Variants in ARHGAP39 observed in about 807,000 individuals in gnomAD.
ARHGAP39 encodes rho GTPase-activating protein 39.
ARHGAP39 carries 44 observed loss-of-function variants against 106.9 expected under a neutral mutation model. The ratio of observed to expected loss-of-function variants is 0.41; its 90% confidence interval spans 0.32 to 0.53. ARHGAP39 has a LOEUF of 0.53. Among genes scored for constraint, ARHGAP39 ranks in the 20% least tolerant of loss-of-function variants. ARHGAP39 has a pLI of 0.21. For missense variants in ARHGAP39, 1,496 were observed against 1,577.3 expected (o/e 0.95, Z 0.87); for synonymous variants, 768 against 693.2 (o/e 1.11, Z -1.69).
In ARHGAP39 at chr8:144,603,120, CGT is replaced by C. The variant is rs772034322; in HGVS notation, c.80+2413_80+2414del. On this transcript the variant is annotated intron_variant, in intron 2 of 11. Transcript: ENST00000377307. The stretch of plus-strand genomic sequence containing the variant: ...GCTCATGTATCTGTGTGCGTGGAGG[CGT>C]GTGTGTGCTGGTGTACCTGTGTGCA... Among the ~76,000 whole-genome samples, 25 of 98,536 alleles carry C rather than the reference CGT, an allele frequency of 2.5e-4. 1 individual carries two copies. The highest frequency in any genetic ancestry group is 1.1e-3 in the South Asian group (3 of 2,776). 64.6% of individuals were successfully genotyped at this position (98,536 alleles called of 152,430 possible). A position where few individuals can be genotyped will look rare whatever the true frequency, so the allele number is the denominator to read the frequency against.
At position 144,649,286 on chromosome 8, in the gene ARHGAP39, C is replaced by CA. The variant is rs950017810; in HGVS notation, c.-82+36399dup. ...TGAAACCCCATCTCTACTAAAAATA[C>CA]AAAAAAAAAACCAATTAGCCAGGTG... is the stretch of plus-strand genomic sequence containing the variant. On this transcript the variant is annotated intron_variant, in intron 1 of 11. Coordinates refer to ENST00000377307, the MANE Select transcript of ARHGAP39 (RefSeq NM_025251.3). 2.9e-3 allele frequency among the ~76,000 whole-genome samples: 422 copies of CA among 146,366 alleles called. 6 individuals are homozygous for CA. The East Asian group carries it at 0.047, about 16-fold the overall frequency.
chr8:144,655,979 C>T (rs912189021), intron 1 of ARHGAP39, among the ~76,000 whole-genome samples: 6 of 152,106 alleles, frequency 3.9e-5, no homozygotes, highest in Non-Finnish European at 7.4e-5. Context: ...TCAAACAAAA[C>T]GATCAATCTA....
rs1301766054 is a variant in ARHGAP39 at position 144,530,149 on chromosome 8, A to C, written c.*273T>G. Reference sequence around the variant, plus strand: ...CAGGACACAGAAGGCACTTTCTCGGAGCTGACCCGCGGCCAGCGGAGGGCG... The same window carrying C: ...CAGGACACAGAAGGCACTTTCTCGGCGCTGACCCGCGGCCAGCGGAGGGCG... On this transcript the variant is annotated 3_prime_UTR_variant, in exon 12 of 12. Coordinates refer to ENST00000377307, the MANE Select transcript of ARHGAP39 (RefSeq NM_025251.3). 3 of 498,922 alleles carry C rather than the reference A, an allele frequency of 6.0e-6. No homozygotes were observed. The highest frequency in any genetic ancestry group is 1.1e-5 in the Non-Finnish European group (3 of 280,910). 30.9% of individuals were successfully genotyped at this position (498,922 alleles called of 1,614,324 possible).
chr8:144,629,660 C>A (rs2130976948), intron 1 of ARHGAP39, among the ~76,000 whole-genome samples: 1 of 152,322 alleles, frequency 6.6e-6, no homozygotes, highest in South Asian at 2.1e-4. Flanking sequence ...GTGTGGTACA[C>A]CGGGTGATGG....
At chr8:144,603,722 AAGCAAAT>A (rs1820172811) in intron 2 of ARHGAP39, among the ~76,000 whole-genome samples, 2 of 152,064 alleles carry the variant, frequency 1.3e-5, no homozygotes, top group South Asian at 4.1e-4. Flanking sequence ...AAAAAGCAAA[AAGCAAAT>A]ACACTGCAGT....
intron 2 of ARHGAP39, among the ~76,000 whole-genome samples, chr8:144,599,079 T>C (rs566982608): frequency 1.9e-4 from 29 of 152,320 alleles, no homozygotes; most frequent in African/African-American, 6.5e-4. Flanking sequence ...CAGGCAGCTG[T>C]TGACGGCCCC....
chr8:144,594,694 CA>C (rs56889764), intron 2 of ARHGAP39, among the ~76,000 whole-genome samples: 9,617 of 80,208 alleles, frequency 0.12, 398 homozygotes, highest in African/African-American at 0.2. Flanking sequence ...AACGCCACCT[CA>C]AAAAAAAAAA....
intron 9 of ARHGAP39, 134 bp from the exon 10 acceptor site, chr8:144,532,530 G>A (rs1013076169): frequency 5.5e-6 from 4 of 733,544 alleles, no homozygotes; most frequent in Admixed American, 2.5e-5. Flanking sequence ...CCGCCACCCC[G>A]GTTGGCCTCT....
At chr8:144,642,407 A>G (rs942370836) in intron 1 of ARHGAP39, among the ~76,000 whole-genome samples, 1 of 152,066 alleles carries the variant, frequency 6.6e-6, no homozygotes, top group African/African-American at 2.4e-5. Context: ...GAATTGCTTG[A>G]GCCTGGGAGG....
Position 144,641,871 on chromosome 8 carries a change from C to T in ARHGAP39, c.-81-36176G>A, listed in dbSNP as rs891581389. Among the ~76,000 whole-genome samples, 4 of 152,246 alleles carry T rather than the reference C, an allele frequency of 2.6e-5. No individual in the cohort carries two copies. The highest frequency in any genetic ancestry group is 4.4e-5 in the Non-Finnish European group (3 of 68,040). The stretch of plus-strand genomic sequence containing the variant: ...GAGGAGGGGTACCTGCCACAAGCTC[C>T]GGGTGGGCCACTGCAGCCACCCACT... On this transcript the variant is annotated intron_variant, in intron 1 of 11. Coordinates refer to ENST00000377307, the MANE Select transcript of ARHGAP39 (RefSeq NM_025251.3). The surrounding 1 kb of genome is among the most constrained non-coding windows in gnomAD (Gnocchi z 5.2).
At chr8:144,578,291 C>T (rs1018639210) in intron 3 of ARHGAP39, among the ~76,000 whole-genome samples, 1 of 152,028 alleles carries the variant, frequency 6.6e-6, no homozygotes, top group Non-Finnish European at 1.5e-5. Flanking sequence ...TACAGTGGTG[C>T]GATCTCGGCT....
At chr8:144,624,246 G>C (rs1209637586) in intron 1 of ARHGAP39, among the ~76,000 whole-genome samples, 1 of 152,224 alleles carries the variant, frequency 6.6e-6, no homozygotes, top group East Asian at 1.9e-4. Flanking sequence ...AGCGCCCTTT[G>C]CACTAAGTGT....
In ARHGAP39 at chr8:144,678,865, G is replaced by A. The variant is rs561446991; in HGVS notation, c.-82+6821C>T. On this transcript the variant is annotated intron_variant, in intron 1 of 11. Transcript: ENST00000377307. ...TCTGAGCAGCTATGTGGCAGAGACAGGGGAGTGGCTCAAGGCTGGGGCAGG... is the reference window on the plus strand; with the variant it reads ...TCTGAGCAGCTATGTGGCAGAGACAAGGGAGTGGCTCAAGGCTGGGGCAGG... Among the ~76,000 whole-genome samples the A allele has an allele frequency of 3.3e-5, 5 of 152,298 alleles. No homozygotes were observed. In the South Asian group the frequency reaches 1.0e-3, roughly 32 times the overall value.
chr8:144,684,254 T>G lies in ARHGAP39; in HGVS notation c.-82+1432A>C, dbSNP rs1390387162. Among the ~76,000 whole-genome samples the G allele has an allele frequency of 1.3e-5, 2 of 152,304 alleles. No individual in the cohort carries two copies. Among genetic ancestry groups the G allele is most frequent in the Middle Eastern group, 3.4e-3 (1 of 292 alleles). Reference sequence around the variant, plus strand: ...CCTGCGCCCAGGGCGGTTTATGGAATGAGTCTCCTCGATTTACAGCCACAC... The same window carrying G: ...CCTGCGCCCAGGGCGGTTTATGGAAGGAGTCTCCTCGATTTACAGCCACAC... On this transcript the variant is annotated intron_variant, in intron 1 of 11. Coordinates refer to ENST00000377307, the MANE Select transcript of ARHGAP39 (RefSeq NM_025251.3). The surrounding 1 kb of genome is among the most constrained non-coding windows in gnomAD (Gnocchi z 4.4).
At chr8:144,698,438 A>G in the ARHGAP39 span, among the ~76,000 whole-genome samples, 1 of 152,232 alleles carries the variant, frequency 6.6e-6, no homozygotes, top group Non-Finnish European at 1.5e-5. Context: ...GCTTACAGAC[A>G]GAAGGCTTCG....
chr8:144,667,792 C>A (rs116642229), intron 1 of ARHGAP39, among the ~76,000 whole-genome samples: 3 of 152,176 alleles, frequency 2.0e-5, no homozygotes, highest in Non-Finnish European at 4.4e-5. Flanking sequence ...GCACCCACTG[C>A]ATGCATTGTT....
intron 3 of ARHGAP39, among the ~76,000 whole-genome samples, chr8:144,556,209 C>T (rs886112926): frequency 3.5e-4 from 53 of 151,072 alleles, no homozygotes; most frequent in Middle Eastern, 3.4e-3. Context: ...GGCGTGAACC[C>T]GGGAGGCGGA....
chr8:144,613,376 T>C (rs1462025067), intron 1 of ARHGAP39, among the ~76,000 whole-genome samples: 1 of 152,234 alleles, frequency 6.6e-6, no homozygotes. Flanking sequence ...ATCTGTAACA[T>C]TTCTTTCAGT....
intron 1 of ARHGAP39, among the ~76,000 whole-genome samples, chr8:144,667,274 C>T (rs934678268): frequency 9.2e-5 from 14 of 152,188 alleles, no homozygotes; most frequent in African/African-American, 3.4e-4. Flanking sequence ...TCTGACCCTC[C>T]CTCCAGCCTC....
Sources: gnomAD v4.1 joint callset for allele counts (sites outside exome capture counted in the v4.1 genomes callset) on GRCh38, gnomAD v4.1.1 for gene constraint, Gnocchi (gnomAD v3.1) non-coding constraint, MANE v1.5 for transcripts, NCBI Gene and HGNC (gene_info 2026-07-23, HGNC 2026-07-21) for gene names.